Variants in ATRNL1 observed in about 807,000 individuals in gnomAD.
ATRNL1 encodes attractin like 1.
ATRNL1 carries 95 observed loss-of-function variants against 182.7 expected under a neutral mutation model. The ratio of observed to expected loss-of-function variants is 0.52; its 90% CI spans 0.44 to 0.62. The LOEUF (loss-of-function observed/expected upper bound fraction) is 0.62. Ranked by LOEUF, ATRNL1 falls within the 20% of genes least tolerant of loss-of-function variation. The pLI is 0.00. For missense variants in ATRNL1, 1,471 were observed against 1,679.5 expected (o/e 0.88, Z 2.17); for synonymous variants, 576 against 568.3 (o/e 1.01, Z -0.19).
At chr10:115,326,271 G>A (rs1406338536) in intron 18 of ATRNL1, among the ~76,000 whole-genome samples, 1 of 152,054 alleles carries the variant, frequency 6.6e-6, no homozygotes, top group Non-Finnish European at 1.5e-5. Context: ...AAAATCACAA[G>A]CATTCTTATA....
chr10:115,464,570 A>G (rs1256315335), intron 22 of ATRNL1, among the ~76,000 whole-genome samples: 2 of 151,966 alleles, frequency 1.3e-5, no homozygotes, highest in African/African-American at 4.8e-5. Context: ...ATGGTACCAT[A>G]TAATTCAGCA....
intron 20 of ATRNL1, among the ~76,000 whole-genome samples, chr10:115,408,362 T>C (rs978158460): frequency 2.0e-5 from 3 of 152,156 alleles, no homozygotes; most frequent in African/African-American, 7.2e-5. Context: ...TTGCTGGTGA[T>C]TTTGTATGTC....
At chr10:115,294,273 C>G (rs1442026276) in intron 15 of ATRNL1, among the ~76,000 whole-genome samples, 1 of 152,114 alleles carries the variant, frequency 6.6e-6, no homozygotes, top group South Asian at 2.1e-4. Flanking sequence ...CACTTGTAAG[C>G]CCAGGAGATC....
At position 115,234,150 on chromosome 10, in the gene ATRNL1, A is replaced by G. The variant is rs147505718; in HGVS notation, c.1533-7421A>G. Among the ~76,000 whole-genome samples, 819 of 152,198 alleles carry G rather than the reference A, an allele frequency of 5.4e-3. 1 individual carries two copies. The highest frequency in any genetic ancestry group is 9.2e-3 in the Non-Finnish European group (627 of 67,976). On this transcript the variant is annotated intron_variant, in intron 9 of 28. Transcript: ENST00000355044. ...TAGAGTTTTAACTACTGAATTCAAT[A>G]TAATAGTTGTAAGAACATTCAGATG... is the stretch of plus-strand genomic sequence containing the variant.
Position 115,519,331 on chromosome 10 carries a change from G to C in ATRNL1, c.3716+7G>C. 6.2e-7 allele frequency: 1 copy of C among 1,609,916 alleles called. No individual in the cohort carries two copies. Among genetic ancestry groups the C allele is most frequent in the South Asian group, 1.1e-5 (1 of 90,640 alleles). ...TTTTTGTCACCTTCTTCAGGTAAAA[G>C]TTTGCTTTGACTGACTTTGAACTTT... is the stretch of plus-strand genomic sequence containing the variant. On this transcript the variant is annotated splice_region_variant and intron_variant, in intron 25 of 28. Coordinates refer to ENST00000355044, the MANE Select transcript of ATRNL1 (RefSeq NM_207303.4).
chr10:115,304,197 T>C (rs991887705), intron 17 of ATRNL1, among the ~76,000 whole-genome samples: 1 of 152,314 alleles, frequency 6.6e-6, no homozygotes, highest in South Asian at 2.1e-4. Context: ...CAGGACTTTC[T>C]TATTAGATCA....
chr10:115,128,999 A>G (rs966674890), intron 4 of ATRNL1, among the ~76,000 whole-genome samples: 8 of 152,194 alleles, frequency 5.3e-5, no homozygotes, highest in Admixed American at 2.0e-4. Context: ...AAAATATACA[A>G]TCAAAACATT....
rs183431588 is a variant in ATRNL1, at chr10:115,614,340, A to G, written c.3795+64804A>G. 4.4e-3 allele frequency among the ~76,000 whole-genome samples: 670 copies of G among 151,736 alleles called. 2 individuals carry two copies. The highest frequency in any genetic ancestry group is 0.014 in the Middle Eastern group (4 of 294). ...ATTTGTACAATTTCCAGAGTTCTTCACGTTATTTGTTTCTAGTTTTACTCC... is the reference window on the plus strand; with the variant it reads ...ATTTGTACAATTTCCAGAGTTCTTCGCGTTATTTGTTTCTAGTTTTACTCC... On this transcript the variant is annotated intron_variant, in intron 26 of 28. Transcript: ENST00000355044.
chr10:115,248,856 T>A (rs1796201168), intron 10 of ATRNL1, among the ~76,000 whole-genome samples: 2 of 152,320 alleles, frequency 1.3e-5, no homozygotes, highest in South Asian at 2.1e-4. Context: ...TAATTTTCTA[T>A]TACAGAAGTT....
intron 9 of ATRNL1, among the ~76,000 whole-genome samples, chr10:115,224,452 G>T (rs1469154183): frequency 6.6e-6 from 1 of 151,680 alleles, no homozygotes; most frequent in Non-Finnish European, 1.5e-5. Context: ...AAAGGATAAA[G>T]AAAATAAAGA....
intron 11 of ATRNL1, among the ~76,000 whole-genome samples, chr10:115,266,572 A>G (rs1459894484): frequency 2.0e-5 from 3 of 151,678 alleles, no homozygotes; most frequent in African/African-American, 7.2e-5. Flanking sequence ...TTTATAGAAT[A>G]TTTCATATTT....
intron 25 of ATRNL1, among the ~76,000 whole-genome samples, chr10:115,534,054 G>A (rs1159166250): frequency 6.6e-6 from 1 of 151,748 alleles, no homozygotes; most frequent in African/African-American, 2.4e-5. Flanking sequence ...TAGGTGTGGT[G>A]TGGTGCTGAA....
At chr10:115,769,081 A>G (rs966277614) in intron 27 of ATRNL1, among the ~76,000 whole-genome samples, 6 of 152,282 alleles carry the variant, frequency 3.9e-5, no homozygotes, top group African/African-American at 1.4e-4. Context: ...AAAGTGGCAC[A>G]TTGCCAATCA....
rs551107910 is a variant in ATRNL1, at chr10:115,915,374, G to A, written c.4019-29284G>A. On this transcript the variant is annotated intron_variant, in intron 28 of 28. Coordinates refer to ENST00000355044, the MANE Select transcript of ATRNL1 (RefSeq NM_207303.4). ...GATCGCGCCACTGCACTCCAGCCTA[G>A]GCAACAGAGCGAGACTCCATCTCAA... Among the ~76,000 whole-genome samples the A allele has an allele frequency of 4.6e-5, 7 of 151,954 alleles. No individual in the cohort carries two copies. The East Asian group carries it at 1.2e-3, about 25-fold the overall frequency.
At chr10:115,329,861 A>G (rs1385953054) in intron 18 of ATRNL1, among the ~76,000 whole-genome samples, 1 of 152,098 alleles carries the variant, frequency 6.6e-6, no homozygotes, top group Non-Finnish European at 1.5e-5. Context: ...GGAGAATTTA[A>G]GCCCTTTACA....
chr10:115,862,289 T>G (rs1469487300), intron 28 of ATRNL1, among the ~76,000 whole-genome samples: 1 of 152,236 alleles, frequency 6.6e-6, no homozygotes, highest in Non-Finnish European at 1.5e-5. Flanking sequence ...ACAGGTTATA[T>G]TCTGTTTCCC....
intron 27 of ATRNL1, among the ~76,000 whole-genome samples, chr10:115,764,301 T>C (rs1393560751): frequency 3.9e-5 from 6 of 152,164 alleles, no homozygotes; most frequent in South Asian, 2.1e-4. Context: ...TGAAGCTACA[T>C]TGACACATCA....
chr10:115,308,976 G>A (rs1446649369), intron 17 of ATRNL1, among the ~76,000 whole-genome samples: 1 of 151,882 alleles, frequency 6.6e-6, no homozygotes, highest in African/African-American at 2.4e-5. Context: ...TACATATGTT[G>A]ATCCAGCTAT....
At chr10:115,263,955 G>C (rs1289037526) in intron 10 of ATRNL1, among the ~76,000 whole-genome samples, 1 of 151,700 alleles carries the variant, frequency 6.6e-6, no homozygotes, top group African/African-American at 2.4e-5. Context: ...TTAATAGGCA[G>C]ATATACCATG....
Sources: allele counts gnomAD v4.1 joint callset (sites outside exome capture counted in the v4.1 genomes callset), GRCh38; gene constraint gnomAD v4.1.1; transcripts MANE v1.5; gene names NCBI Gene and HGNC (gene_info 2026-07-23, HGNC 2026-07-21).